ANKS1B: variants seen among roughly 807,000 people sequenced by gnomAD.
ANKS1B encodes the protein ankyrin repeat and sterile alpha motif domain containing 1B.
A neutral mutation model predicts 148.3 loss-of-function variants in ANKS1B; 36 were observed. That is an observed-to-expected ratio of 0.24 (90% confidence interval 0.19 to 0.32). The LOEUF is 0.32. Ranked by LOEUF, ANKS1B falls within the 10% of genes least tolerant of loss-of-function variation. The pLI, the probability that ANKS1B is intolerant of heterozygous loss-of-function variation, is 1.00. For synonymous variants in ANKS1B, 542 were observed against 560.8 expected (o/e 0.97, Z 0.47); for missense variants, 1,157 against 1,542.6 (o/e 0.75, Z 4.19).
chr12:99,244,196 C>T, intron 14 of ANKS1B, 146 bp downstream of exon 14: 1 of 582,802 alleles, frequency 1.7e-6, no homozygotes, highest in Non-Finnish European at 2.9e-6. Flanking sequence ...GCTTATATGT[C>T]ATTGTTGTTA....
chr12:99,884,692 A>C (rs948305607), intron 1 of ANKS1B, among the ~76,000 whole-genome samples: 3 of 152,138 alleles, frequency 2.0e-5, no homozygotes, highest in African/African-American at 7.2e-5. Flanking sequence ...TGGAAAAAGC[A>C]AAAAAACAGG....
At chr12:99,061,501 A>G (rs1565828603) in intron 16 of ANKS1B, among the ~76,000 whole-genome samples, 1 of 152,240 alleles carries the variant, frequency 6.6e-6, no homozygotes, top group Non-Finnish European at 1.5e-5. Flanking sequence ...CTGTCAGCCC[A>G]TGAACCACAC....
chr12:98,750,123 G>A (rs899817361), intron 26 of ANKS1B, among the ~76,000 whole-genome samples: 1 of 152,170 alleles, frequency 6.6e-6, no homozygotes, highest in Non-Finnish European at 1.5e-5. Flanking sequence ...AGCTGGCCAC[G>A]TGAGTCTGGA....
intron 14 of ANKS1B, 63 bp from the exon 15 acceptor site, chr12:99,154,458 T>A (rs1425620197): frequency 6.2e-7 from 1 of 1,613,062 alleles, no homozygotes; most frequent in African/African-American, 1.3e-5. Context: ...GTAATAGCGG[T>A]AGTCCTGGGC....
At position 99,373,460 on chromosome 12, in the gene ANKS1B, T is replaced by C. The variant is rs56221134; in HGVS notation, c.1756+26171A>G. Among the ~76,000 whole-genome samples the C allele has an allele frequency of 7.0e-3, 1,060 of 152,242 alleles. 13 individuals are homozygous for C. The highest frequency in any genetic ancestry group is 0.024 in the African/African-American group (1,005 of 41,566). On this transcript the variant is annotated intron_variant, in intron 12 of 26. Transcript: ENST00000683438. ...CCTATTAGACGGGTAAGAGTCTCAGTTGCAATGGCCCATCCTCCCCTGACC... is the reference window on the plus strand; with the variant it reads ...CCTATTAGACGGGTAAGAGTCTCAGCTGCAATGGCCCATCCTCCCCTGACC...
intron 25 of ANKS1B, among the ~76,000 whole-genome samples, chr12:98,755,438 C>A (rs147167175): frequency 6.6e-6 from 1 of 152,346 alleles, no homozygotes; most frequent in East Asian, 1.9e-4. Context: ...ATCCCTGCAA[C>A]TGTGGGGAGG....
chr12:99,836,003 A>T (rs1377795068), intron 1 of ANKS1B, among the ~76,000 whole-genome samples: 1 of 152,226 alleles, frequency 6.6e-6, no homozygotes, highest in Non-Finnish European at 1.5e-5. Flanking sequence ...ATACTATCCC[A>T]TATGAGTTTA....
At chr12:99,469,942 G>A (rs753827542) in intron 10 of ANKS1B, among the ~76,000 whole-genome samples, 3 of 151,752 alleles carry the variant, frequency 2.0e-5, no homozygotes, top group Non-Finnish European at 4.4e-5. Flanking sequence ...CAACATAGGA[G>A]ACCCCCGTAT....
chr12:99,226,591 C>T (rs1399730671), intron 14 of ANKS1B, among the ~76,000 whole-genome samples: 1 of 152,154 alleles, frequency 6.6e-6, no homozygotes. Flanking sequence ...ACATGTCACA[C>T]GGACAAACGT....
chr12:99,768,461 A>T (rs949632374), intron 8 of ANKS1B, among the ~76,000 whole-genome samples: 9 of 152,180 alleles, frequency 5.9e-5, no homozygotes, highest in African/African-American at 2.2e-4. Flanking sequence ...CCCCAATGTG[A>T]TGGTATTAAG....
chr12:98,746,594 T>C (rs956057072), intron 26 of ANKS1B, among the ~76,000 whole-genome samples: 2 of 152,224 alleles, frequency 1.3e-5, no homozygotes, highest in African/African-American at 4.8e-5. Context: ...TCATCACATA[T>C]TTATTTGTTC....
chr12:99,073,619 A>G (rs947872719), intron 16 of ANKS1B, among the ~76,000 whole-genome samples: 2 of 148,870 alleles, frequency 1.3e-5, no homozygotes, highest in Non-Finnish European at 2.9e-5. Context: ...GTATTTCTAG[A>G]GCTCTTGGAT....
chr12:99,414,149 C>G, intron 11 of ANKS1B, among the ~76,000 whole-genome samples: 1 of 151,700 alleles, frequency 6.6e-6, no homozygotes, highest in African/African-American at 2.4e-5. Flanking sequence ...TATTAGGTTT[C>G]TGTTAGGTTG....
At chr12:99,663,755 T>C (rs2098490279) in intron 8 of ANKS1B, among the ~76,000 whole-genome samples, 1 of 152,172 alleles carries the variant, frequency 6.6e-6, no homozygotes, top group Non-Finnish European at 1.5e-5. Flanking sequence ...ACAGAATTGC[T>C]ATTAAAGCAA....
At position 99,325,690 on chromosome 12, in the gene ANKS1B, G is replaced by A. The variant is rs78592182; in HGVS notation, c.1756+73941C>T. On this transcript the variant is annotated intron_variant, in intron 12 of 26. Coordinates refer to ENST00000683438, the MANE Select transcript of ANKS1B (RefSeq NM_001352186.2). ...GACAAACGGAAATTTTCAATAAGTC[G>A]GATCAAGATTCTGAAGCATTTCTTC... Among the ~76,000 whole-genome samples the A allele has an allele frequency of 9.7e-3, 1,474 of 152,144 alleles. 39 individuals are homozygous for A. Among genetic ancestry groups the A allele is most frequent in the East Asian group, 0.084 (433 of 5,164 alleles).
intron 9 of ANKS1B, among the ~76,000 whole-genome samples, chr12:99,545,463 C>G (rs2097163670): frequency 6.6e-6 from 1 of 152,000 alleles, no homozygotes; most frequent in Non-Finnish European, 1.5e-5. Flanking sequence ...ATTTAAGCCT[C>G]TCTGGGTTTT....
At chr12:99,469,578 A>T (rs1400556395) in intron 10 of ANKS1B, among the ~76,000 whole-genome samples, 1 of 152,146 alleles carries the variant, frequency 6.6e-6, no homozygotes, top group East Asian at 1.9e-4. Flanking sequence ...ATTAGGAGTC[A>T]GGACTCAATT....
At chr12:99,283,704 T>C (rs2078762779) in intron 12 of ANKS1B, among the ~76,000 whole-genome samples, 1 of 152,222 alleles carries the variant, frequency 6.6e-6, no homozygotes, top group Non-Finnish European at 1.5e-5. Flanking sequence ...CTAGACACCT[T>C]GTAGTGATTC....
chr12:99,619,658 G>A (rs1362644629), intron 9 of ANKS1B, among the ~76,000 whole-genome samples: 1 of 150,712 alleles, frequency 6.6e-6, no homozygotes, highest in African/African-American at 2.4e-5. Flanking sequence ...AGATCCTGGT[G>A]CAGGAGGCCC....
Sources: allele counts gnomAD v4.1 joint callset (sites outside exome capture counted in the v4.1 genomes callset), GRCh38; gene constraint gnomAD v4.1.1; transcripts MANE v1.5; gene names NCBI Gene and HGNC (gene_info 2026-07-23, HGNC 2026-07-21).